The following TBC1D12 variants were observed in gnomAD, a reference collection of about 807,000 sequenced individuals.
TBC1D12 encodes the protein TBC1 domain family, member 12.
In TBC1D12, 56 loss-of-function variants were observed where a neutral mutation model predicts 86.7. The ratio of observed to expected loss-of-function variants is 0.65; its 90% CI spans 0.52 to 0.81. The LOEUF (loss-of-function observed/expected upper bound fraction) is 0.81. Among genes scored for constraint, TBC1D12 ranks in the 30% least tolerant of loss-of-function variants. The pLI, the probability that TBC1D12 is intolerant of heterozygous loss-of-function variation, is 0.00. For missense variants in TBC1D12, 1,023 were observed against 1,038.8 expected (o/e 0.98, Z 0.21); for synonymous variants, 421 against 411.7 (o/e 1.02, Z -0.27).
intron 2 of TBC1D12, 63 bp downstream of exon 2, chr10:94,442,082 CTTTTT>C (rs78976375): frequency 1.2e-3 from 1,418 of 1,193,078 alleles, no homozygotes; most frequent in East Asian, 2.6e-3. Flanking sequence ...TCTTCTTCTT[CTTTTT>C]TTTTTTTTTT....
rs758184246 is a variant in TBC1D12 at position 94,510,127 on chromosome 10, T to A, written c.1637T>A (p.Leu546Ter). Residue 546 changes from leucine to a stop codon, truncating the protein, a stop_gained, in exon 8 of 13, where the codon TTA (leucine) becomes TAA (stop). Transcript: ENST00000225235. LOFTEE classifies it high-confidence loss of function. ...GCTGATCGAGAGGCCAGTCTGGAAT[T>A]AATTAAGTTGGACATATCCCGTACA... ...SVADREASLE[L>*]IKLDISRTFP... The A allele has an allele frequency of 6.2e-7, 1 of 1,610,062 alleles. No individual in the cohort carries two copies.
intron 4 of TBC1D12, among the ~76,000 whole-genome samples, chr10:94,494,036 G>T (rs2056282545): frequency 6.6e-6 from 1 of 150,612 alleles, no homozygotes; most frequent in African/African-American, 2.4e-5. Flanking sequence ...TTTCTATATG[G>T]CTGTGAGAAT....
intron 1 of TBC1D12, among the ~76,000 whole-genome samples, chr10:94,418,688 C>T (rs1246462085): frequency 1.3e-5 from 2 of 151,926 alleles, no homozygotes; most frequent in Non-Finnish European, 2.9e-5. Context: ...TCTCCTGCCT[C>T]AGCCTCCCGA....
At chr10:94,526,431 A>AG (rs1396891471) in intron 11 of TBC1D12, among the ~76,000 whole-genome samples, 6 of 150,086 alleles carry the variant, frequency 4.0e-5, no homozygotes, top group East Asian at 3.9e-4. Context: ...CCTGTCTCTG[A>AG]GAAAAAAAAA....
At chr10:94,454,375 C>T (rs548208706) in intron 2 of TBC1D12, among the ~76,000 whole-genome samples, 3 of 152,216 alleles carry the variant, frequency 2.0e-5, no homozygotes, top group African/African-American at 7.2e-5. Flanking sequence ...CCATGCCGGG[C>T]TAATTTTCTA....
intron 2 of TBC1D12, among the ~76,000 whole-genome samples, chr10:94,465,737 T>C (rs2055801794): frequency 6.6e-6 from 1 of 150,730 alleles, no homozygotes; most frequent in East Asian, 2.0e-4. Context: ...CATACATACG[T>C]ATACATACAT....
At chr10:94,416,167 G>C in intron 1 of TBC1D12, among the ~76,000 whole-genome samples, 1 of 152,322 alleles carries the variant, frequency 6.6e-6, no homozygotes, top group East Asian at 1.9e-4. Flanking sequence ...GCTACTGGAA[G>C]AAAGGTTCTA....
intron 1 of TBC1D12, among the ~76,000 whole-genome samples, chr10:94,416,348 G>C (rs1376319587): frequency 6.6e-6 from 1 of 152,114 alleles, no homozygotes; most frequent in Non-Finnish European, 1.5e-5. Flanking sequence ...TACTAATTTG[G>C]AGCTTGGTTT....
chr10:94,500,566 T>A (rs1225582119), intron 6 of TBC1D12, among the ~76,000 whole-genome samples: 1 of 152,236 alleles, frequency 6.6e-6, no homozygotes, highest in Non-Finnish European at 1.5e-5. Context: ...ATCAATAATC[T>A]TCTTGGCATT....
chr10:94,454,996 TATG>T (rs1168360108), intron 2 of TBC1D12, among the ~76,000 whole-genome samples: 1 of 152,204 alleles, frequency 6.6e-6, no homozygotes, highest in Non-Finnish European at 1.5e-5. Flanking sequence ...CACCATTAAG[TATG>T]ATGTTAGCTA....
chr10:94,517,650 C>T (rs1842034611), intron 9 of TBC1D12, among the ~76,000 whole-genome samples: 1 of 152,144 alleles, frequency 6.6e-6, no homozygotes, highest in Non-Finnish European at 1.5e-5. Flanking sequence ...ACAAACCAGT[C>T]AGTCAAATCA....
rs1034095511 is a variant in TBC1D12 at position 94,528,790 on chromosome 10, C to G, written c.2001-2412C>G. 3.4e-5 allele frequency among the ~76,000 whole-genome samples: 5 copies of G among 148,752 alleles called. No homozygotes were observed. The Admixed American group carries it at 3.4e-4, about 10-fold the overall frequency. On this transcript the variant is annotated intron_variant, in intron 11 of 12. Coordinates refer to ENST00000225235, the MANE Select transcript of TBC1D12 (RefSeq NM_015188.2). ...TGAGCCGAGATCCTGCCACTTCACT[C>G]TAACCTGGGAAATAGAGCAAGACTG...
At chr10:94,481,738 C>T (rs1422248544) in intron 3 of TBC1D12, among the ~76,000 whole-genome samples, 3 of 150,926 alleles carry the variant, frequency 2.0e-5, no homozygotes, top group Admixed American at 2.0e-4. Flanking sequence ...TTTACCATTA[C>T]ATTCTCCACT....
intron 2 of TBC1D12, 57 bp downstream of exon 2, chr10:94,442,076 CTTCTTCTTTTT>C: frequency 7.3e-7 from 1 of 1,368,906 alleles, no homozygotes. Flanking sequence ...TCTTCTTCTT[CTTCTTCTTTTT>C]TTTTTTTTTT....
intron 9 of TBC1D12, among the ~76,000 whole-genome samples, chr10:94,514,168 A>G (rs893317415): frequency 6.6e-6 from 1 of 151,984 alleles, no homozygotes; most frequent in Admixed American, 6.6e-5. Flanking sequence ...TGAGCCCAGG[A>G]GTTTTAAGAC....
chr10:94,422,483 C>T (rs568019113), intron 1 of TBC1D12, among the ~76,000 whole-genome samples: 32 of 151,494 alleles, frequency 2.1e-4, no homozygotes, highest in East Asian at 1.2e-3. Context: ...CCACCACGCC[C>T]GGCTGGGTTC....
intron 3 of TBC1D12, among the ~76,000 whole-genome samples, chr10:94,476,345 T>C (rs2055988316): frequency 6.6e-6 from 1 of 152,190 alleles, no homozygotes; most frequent in African/African-American, 2.4e-5. Flanking sequence ...AGAATTGTGG[T>C]CCCAATGCTC....
At chr10:94,462,857 C>G (rs2055750455) in intron 2 of TBC1D12, among the ~76,000 whole-genome samples, 1 of 152,058 alleles carries the variant, frequency 6.6e-6, no homozygotes, top group Non-Finnish European at 1.5e-5. Context: ...AAAAGAAACA[C>G]CTTTTGTTTC....
intron 1 of TBC1D12, among the ~76,000 whole-genome samples, chr10:94,406,147 A>C (rs1311048740): frequency 1.3e-5 from 2 of 152,240 alleles, no homozygotes; most frequent in African/African-American, 4.8e-5. Context: ...TATTATTAAC[A>C]GTAGGCAGGA....
Sources: allele counts gnomAD v4.1 joint callset (sites outside exome capture counted in the v4.1 genomes callset), GRCh38; gene constraint gnomAD v4.1.1; transcripts MANE v1.5; gene names NCBI Gene and HGNC (gene_info 2026-07-23, HGNC 2026-07-21).